Variants in NALF1 observed in about 807,000 individuals in gnomAD.
NALF1 encodes family with sequence similarity 155 member A.
A neutral mutation model predicts 48.4 loss-of-function variants in NALF1; 3 were observed. The ratio of observed to expected loss-of-function variants is 0.06; its 90% CI spans 0.03 to 0.16. NALF1 has a LOEUF of 0.16. Among genes scored for constraint, NALF1 ranks in the 10% least tolerant of loss-of-function variants. The pLI is 1.00. For missense variants in NALF1, 526 were observed against 571.5 expected (o/e 0.92, Z 0.81); for synonymous variants, 262 against 245.7 (o/e 1.07, Z -0.62).
intron 1 of NALF1, among the ~76,000 whole-genome samples, chr13:107,440,703 C>T (rs1478585411): frequency 1.3e-5 from 2 of 152,144 alleles, no homozygotes; most frequent in East Asian, 1.9e-4. Flanking sequence ...GATGGTAATA[C>T]AGAATCTTGC....
chr13:107,823,638 A>C (rs1879423468), intron 1 of NALF1, among the ~76,000 whole-genome samples: 1 of 152,044 alleles, frequency 6.6e-6, no homozygotes, highest in Admixed American at 6.6e-5. Context: ...CTTATGCCCT[A>C]CAAATCTTTC....
chr13:107,509,284 T>C (rs2139085800), intron 1 of NALF1, among the ~76,000 whole-genome samples: 1 of 152,290 alleles, frequency 6.6e-6, no homozygotes, highest in African/African-American at 2.4e-5. Flanking sequence ...TCCATATTCA[T>C]CAAATAGAAT....
chr13:107,280,632 T>C (rs896484620), intron 1 of NALF1, among the ~76,000 whole-genome samples: 1 of 152,202 alleles, frequency 6.6e-6, no homozygotes, highest in Non-Finnish European at 1.5e-5. Flanking sequence ...ATAAAATTTT[T>C]CCCAACTAGC....
At chr13:107,195,307 T>C (rs1470878976) in intron 2 of NALF1, among the ~76,000 whole-genome samples, 1 of 152,210 alleles carries the variant, frequency 6.6e-6, no homozygotes, top group Non-Finnish European at 1.5e-5. Flanking sequence ...TTTCCAGGAC[T>C]CTGCTTTCTC....
intron 1 of NALF1, among the ~76,000 whole-genome samples, chr13:107,762,331 T>A (rs1594249911): frequency 6.6e-6 from 1 of 152,126 alleles, no homozygotes; most frequent in Non-Finnish European, 1.5e-5. Flanking sequence ...TCTCCCACTC[T>A]AGGAACGCCT....
chr13:107,508,060 A>G (rs992549948), intron 1 of NALF1, among the ~76,000 whole-genome samples: 16 of 152,190 alleles, frequency 1.1e-4, no homozygotes, highest in Non-Finnish European at 2.2e-4. Context: ...AAAACATTAC[A>G]TGACTTTTGA....
chr13:107,413,672 C>T (rs1181277066), intron 1 of NALF1, among the ~76,000 whole-genome samples: 1 of 152,116 alleles, frequency 6.6e-6, no homozygotes, highest in African/African-American at 2.4e-5. Flanking sequence ...ACATTGATCA[C>T]ATACTGAGAC....
At chr13:107,595,227 T>C (rs561682191) in intron 1 of NALF1, among the ~76,000 whole-genome samples, 1 of 152,156 alleles carries the variant, frequency 6.6e-6, no homozygotes, top group Non-Finnish European at 1.5e-5. Flanking sequence ...TCCATAATCA[T>C]GGAAAAGTTT....
chr13:107,424,087 C>A (rs1265207431), intron 1 of NALF1, among the ~76,000 whole-genome samples: 1 of 151,902 alleles, frequency 6.6e-6, no homozygotes, highest in Non-Finnish European at 1.5e-5. Context: ...TTCTCCTGTA[C>A]TTATTAACTG....
chr13:107,267,272 A>C (rs997916471), intron 1 of NALF1, among the ~76,000 whole-genome samples: 46 of 152,214 alleles, frequency 3.0e-4, no homozygotes, highest in Admixed American at 1.3e-3. Flanking sequence ...CTAGGTGAGA[A>C]TGTAGATACC....
chr13:107,393,626 A>G lies in NALF1; in HGVS notation c.916-182871T>C, dbSNP rs1883662970. On this transcript the variant is annotated intron_variant, in intron 1 of 2. Coordinates refer to ENST00000375915, the MANE Select transcript of NALF1 (RefSeq NM_001080396.3). Reference sequence around the variant, plus strand: ...CTTCAATAGAAATGAAAAGACGGAGACAATTAAAAGGAAATAGCTCAATTA... The same window carrying G: ...CTTCAATAGAAATGAAAAGACGGAGGCAATTAAAAGGAAATAGCTCAATTA... Among the ~76,000 whole-genome samples the G allele has an allele frequency of 2.6e-5, 4 of 152,162 alleles. No homozygotes were observed. In the South Asian group the frequency reaches 8.3e-4, roughly 32 times the overall value.
chr13:107,323,099 G>A (rs921761778), intron 1 of NALF1, among the ~76,000 whole-genome samples: 1 of 152,058 alleles, frequency 6.6e-6, no homozygotes, highest in African/African-American at 2.4e-5. Flanking sequence ...GACCATTGGA[G>A]TATTGACAAG....
chr13:107,710,826 C>CAACATATATGTGTATAT (rs1875564156), intron 1 of NALF1, among the ~76,000 whole-genome samples: 1 of 42,316 alleles, frequency 2.4e-5, no homozygotes, highest in Non-Finnish European at 5.7e-5. Context: ...TATATATACA[C>CAACATATATGTGTATAT]ATACAGAGAC....
At chr13:107,279,559 C>T (rs377696949) in intron 1 of NALF1, among the ~76,000 whole-genome samples, 1 of 151,768 alleles carries the variant, frequency 6.6e-6, no homozygotes. Context: ...CCCGGTGATG[C>T]CTCAACCATT....
chr13:107,782,040 C>T (rs550833499), intron 1 of NALF1, among the ~76,000 whole-genome samples: 2 of 152,138 alleles, frequency 1.3e-5, no homozygotes, highest in East Asian at 3.9e-4. Flanking sequence ...TCTCCCTCTC[C>T]CTCCTCTCCC....
chr13:107,646,058 C>T lies in NALF1; in HGVS notation c.915+219624G>A, dbSNP rs2762209. ...ATGCAGCAAACTTGCCTCACAAAAA[C>T]GGGCTTCCCTGCTCTTGGTAACAGC... is the stretch of plus-strand genomic sequence containing the variant. On this transcript the variant is annotated intron_variant, in intron 1 of 2. Coordinates refer to ENST00000375915, the MANE Select transcript of NALF1 (RefSeq NM_001080396.3). Among the ~76,000 whole-genome samples the T allele has an allele frequency of 8.3e-3, 1,267 of 152,194 alleles. 16 individuals carry two copies. The highest frequency in any genetic ancestry group is 0.029 in the African/African-American group (1,199 of 41,502).
chr13:107,241,953 G>A (rs1235559956), intron 1 of NALF1, among the ~76,000 whole-genome samples: 1 of 152,110 alleles, frequency 6.6e-6, no homozygotes, highest in African/African-American at 2.4e-5. Flanking sequence ...TCATAAAAAA[G>A]TGCCTTGGCT....
At chr13:107,606,816 C>T (rs1879086015) in intron 1 of NALF1, among the ~76,000 whole-genome samples, 1 of 152,252 alleles carries the variant, frequency 6.6e-6, no homozygotes, top group South Asian at 2.1e-4. Flanking sequence ...TATGATATTA[C>T]TGAGGCACCA....
At chr13:107,572,784 T>G (rs1295030092) in intron 1 of NALF1, among the ~76,000 whole-genome samples, 1 of 152,178 alleles carries the variant, frequency 6.6e-6, no homozygotes, top group Non-Finnish European at 1.5e-5. Flanking sequence ...GAAAACCAAA[T>G]TCATCATTCA....
Sources: gnomAD v4.1 joint callset for allele counts (sites outside exome capture counted in the v4.1 genomes callset) on GRCh38, gnomAD v4.1.1 for gene constraint, MANE v1.5 for transcripts, NCBI Gene and HGNC (gene_info 2026-07-23, HGNC 2026-07-21) for gene names.